Variants in NRG2 observed in about 807,000 individuals in gnomAD.
The protein encoded by NRG2 is neuregulin 2, also known as pro-neuregulin-2, membrane-bound isoform.
Under a neutral mutation model 73.9 loss-of-function variants are expected in NRG2, and 27 were observed. The observed-to-expected ratio is 0.37, with a 90% confidence interval of 0.27 to 0.50. NRG2 has a LOEUF of 0.50. Among genes scored for constraint, NRG2 ranks in the 20% least tolerant of loss-of-function variants. The pLI, the probability that NRG2 is intolerant of heterozygous loss-of-function variation, is 0.96. For synonymous variants in NRG2, 532 were observed against 541.0 expected (o/e 0.98, Z 0.23); for missense variants, 1,126 against 1,210.1 (o/e 0.93, Z 1.03).
At chr5:139,848,764 G>C in intron 9 of NRG2, 67 bp from the exon 10 acceptor site, 1 of 656,316 alleles carries the variant, frequency 1.5e-6, no homozygotes, top group Non-Finnish European at 2.2e-6. Flanking sequence ...GGGGGTTGGG[G>C]GTGGGGTAGG....
chr5:140,005,214 T>C (rs1009223020), intron 1 of NRG2, among the ~76,000 whole-genome samples: 10 of 152,252 alleles, frequency 6.6e-5, no homozygotes, highest in African/African-American at 1.9e-4. Flanking sequence ...TCTTCCCATA[T>C]ATAAGAACTC....
intron 1 of NRG2, among the ~76,000 whole-genome samples, chr5:140,036,136 AT>A (rs1429064635): frequency 6.6e-6 from 1 of 152,218 alleles, no homozygotes; most frequent in East Asian, 1.9e-4. Flanking sequence ...TGGAGAGGCC[AT>A]TTGGATCTTC....
intron 6 of NRG2, 133 bp downstream of exon 6, chr5:139,855,543 C>T (rs1274128636): frequency 3.2e-5 from 24 of 747,912 alleles, no homozygotes; most frequent in Non-Finnish European, 2.3e-6. Flanking sequence ...ACAGAGGCCC[C>T]CGAGGGGTAG....
At chr5:139,997,080 C>T (rs372607722) in intron 1 of NRG2, among the ~76,000 whole-genome samples, 2 of 151,936 alleles carry the variant, frequency 1.3e-5, no homozygotes, top group Non-Finnish European at 2.9e-5. Context: ...AGGTCGAGGC[C>T]GTGGTGAGCC....
At chr5:139,982,639 T>G (rs1756895244) in intron 1 of NRG2, among the ~76,000 whole-genome samples, 1 of 152,218 alleles carries the variant, frequency 6.6e-6, no homozygotes, top group Admixed American at 6.5e-5. Context: ...CTTTGAGAGT[T>G]GGAACCATGT....
intron 1 of NRG2, among the ~76,000 whole-genome samples, chr5:140,023,589 A>G (rs996656978): frequency 2.0e-5 from 3 of 152,254 alleles, no homozygotes; most frequent in African/African-American, 7.2e-5. Flanking sequence ...ATCAAGATAT[A>G]TGATTACTAG....
rs1198792754 is a variant in NRG2 at position 139,868,742 on chromosome 5, C to T, written c.1112+2979G>A. ...GGGGGAGGGGGTGGATGAAGGATGG[C>T]GGTGTGCCCCGGGCACTGGAGGGAG... On this transcript the variant is annotated intron_variant, in intron 4 of 9. Coordinates refer to ENST00000361474, the MANE Select transcript of NRG2 (RefSeq NM_004883.3). This position sits in a 1 kb window ranked among gnomAD's most constrained non-coding sequence, Gnocchi z 4.2. Among the ~76,000 whole-genome samples the T allele has an allele frequency of 2.0e-5, 3 of 151,928 alleles. No homozygotes were observed. Among genetic ancestry groups the T allele is most frequent in the East Asian group, 1.9e-4 (1 of 5,188 alleles).
intron 1 of NRG2, among the ~76,000 whole-genome samples, chr5:139,889,317 T>C (rs1459649860): frequency 1.3e-5 from 2 of 152,164 alleles, no homozygotes; most frequent in Non-Finnish European, 2.9e-5. Flanking sequence ...AATGATTCCA[T>C]TGAATATATA....
intron 1 of NRG2, among the ~76,000 whole-genome samples, chr5:139,933,132 G>A (rs1305317434): frequency 2.0e-5 from 3 of 152,042 alleles, no homozygotes; most frequent in African/African-American, 7.2e-5. Context: ...AAAAATAGCC[G>A]AGCATGGTGG....
chr5:140,001,179 C>G lies in NRG2; in HGVS notation c.700+41191G>C, dbSNP rs1406735765. Among the ~76,000 whole-genome samples, 3 of 152,176 alleles carry G rather than the reference C, an allele frequency of 2.0e-5. No homozygotes were observed. The East Asian group carries it at 5.8e-4, about 29-fold the overall frequency. ...TACCATTTATTAGCACTTGGCTCAT[C>G]CAGTCGGGTAGAGCTTGTTTTCCTT... On this transcript the variant is annotated intron_variant, in intron 1 of 9. Coordinates refer to ENST00000361474, the MANE Select transcript of NRG2 (RefSeq NM_004883.3).
chr5:140,032,242 A>G (rs1761213271), intron 1 of NRG2, among the ~76,000 whole-genome samples: 1 of 152,254 alleles, frequency 6.6e-6, no homozygotes, highest in African/African-American at 2.4e-5. Context: ...CAAAAAGCTC[A>G]GGTGGCAAGT....
At chr5:139,857,120 G>A (rs1761858023) in intron 5 of NRG2, among the ~76,000 whole-genome samples, 1 of 152,260 alleles carries the variant, frequency 6.6e-6, no homozygotes, top group South Asian at 2.1e-4. Context: ...TCCTTCTGGG[G>A]CCCACTCCCC....
chr5:140,031,102 C>T (rs6580353), intron 1 of NRG2, among the ~76,000 whole-genome samples: 47,238 of 152,036 alleles, frequency 0.31, 8,153 homozygotes, highest in African/African-American at 0.46. Flanking sequence ...CCCCATTAGG[C>T]CTGTCAGACC....
At position 139,894,984 on chromosome 5, in the gene NRG2, T is replaced by C. The variant is rs1045835757; in HGVS notation, c.701-7473A>G. ...AGAACTAAAGAGGGGAGGCAGAAGC[T>C]GCACCAGGAGGGCAGATAAAGAAGA... On this transcript the variant is annotated intron_variant, in intron 1 of 9. Transcript: ENST00000361474. This position sits in a 1 kb window ranked among gnomAD's most constrained non-coding sequence, Gnocchi z 5.0. 1.4e-4 allele frequency among the ~76,000 whole-genome samples: 22 copies of C among 152,162 alleles called. No individual in the cohort carries two copies. Among genetic ancestry groups the C allele is most frequent in the African/African-American group, 5.1e-4 (21 of 41,434 alleles).
At chr5:139,946,928 C>T (rs1753835664) in intron 1 of NRG2, among the ~76,000 whole-genome samples, 1 of 151,800 alleles carries the variant, frequency 6.6e-6, no homozygotes, top group African/African-American at 2.4e-5. Context: ...AGATGCTTAA[C>T]ATCACTAATC....
intron 1 of NRG2, among the ~76,000 whole-genome samples, chr5:139,895,517 C>T (rs77901652): frequency 0.011 from 1,739 of 152,244 alleles, 29 homozygotes; most frequent in Non-Finnish European, 0.015. Flanking sequence ...AGGGCTGGCA[C>T]GGATGAGGCA....
intron 1 of NRG2, among the ~76,000 whole-genome samples, chr5:139,978,886 C>G (rs1756577299): frequency 6.6e-6 from 1 of 151,826 alleles, no homozygotes; most frequent in Non-Finnish European, 1.5e-5. Context: ...ACATATACAC[C>G]ATGGAATACT....
At chr5:140,035,347 C>T (rs1761432223) in intron 1 of NRG2, among the ~76,000 whole-genome samples, 1 of 152,170 alleles carries the variant, frequency 6.6e-6, no homozygotes, top group South Asian at 2.1e-4. Flanking sequence ...TCTTCTCCTC[C>T]TCCCAAAAGC....
intron 5 of NRG2, among the ~76,000 whole-genome samples, chr5:139,858,318 C>A (rs557646294): frequency 6.6e-6 from 1 of 152,220 alleles, no homozygotes; most frequent in African/African-American, 2.4e-5. Context: ...AGGACTCCCC[C>A]CTGGTTGTTT....
Sources: gnomAD v4.1 joint callset for allele counts (sites outside exome capture counted in the v4.1 genomes callset) on GRCh38, gnomAD v4.1.1 for gene constraint, Gnocchi (gnomAD v3.1) non-coding constraint, MANE v1.5 for transcripts, NCBI Gene and HGNC (gene_info 2026-07-23, HGNC 2026-07-21) for gene names.